Variants in FRMD4A observed in about 807,000 individuals in gnomAD.
FRMD4A encodes the protein FERM domain containing 4A.
FRMD4A carries 29 observed loss-of-function variants against 129.1 expected under a neutral mutation model. The observed-to-expected ratio is 0.22, with a 90% confidence interval of 0.17 to 0.31. FRMD4A has a LOEUF of 0.31. Among genes scored for constraint, FRMD4A ranks in the 10% least tolerant of loss-of-function variants. The pLI is 1.00. For missense variants in FRMD4A, 1,272 were observed against 1,375.8 expected, an observed-to-expected ratio of 0.92 and a Z score of 1.19; for synonymous variants, 634 against 571.6, an observed-to-expected ratio of 1.11 and a Z score of -1.56.
At chr10:13,783,915 T>C (rs2092794838) in intron 5 of FRMD4A, among the ~76,000 whole-genome samples, 1 of 152,226 alleles carries the variant, frequency 6.6e-6, no homozygotes, top group South Asian at 2.1e-4. Flanking sequence ...AAATGTGCCT[T>C]TATAATATTG....
At chr10:14,162,630 GTTTT>G in intron 2 of FRMD4A, among the ~76,000 whole-genome samples, 1 of 117,342 alleles carries the variant, frequency 8.5e-6, no homozygotes, top group Non-Finnish European at 1.7e-5. Context: ...GAGTTTCTCT[GTTTT>G]TTTTTTGTTT....
At chr10:14,081,901 G>A (rs868325983) in intron 2 of FRMD4A, among the ~76,000 whole-genome samples, 9 of 152,334 alleles carry the variant, frequency 5.9e-5, no homozygotes, top group Middle Eastern at 3.4e-3. Flanking sequence ...TTATTAGGTT[G>A]TATTTGTCCT....
rs184594823 is a variant in FRMD4A, at chr10:13,825,004, C to T, written c.112-14096G>A. Among the ~76,000 whole-genome samples the T allele has an allele frequency of 9.6e-4, 146 of 151,994 alleles. 1 individual carries two copies. Among genetic ancestry groups the T allele is most frequent in the African/African-American group, 3.4e-3 (141 of 41,462 alleles). The stretch of plus-strand genomic sequence containing the variant: ...TCACACTTTGCAGTCATTTTTCCCT[C>T]ATTCCTGGGGGACACTTTCCAAGAC... On this transcript the variant is annotated intron_variant, in intron 3 of 24. Coordinates refer to ENST00000357447, the MANE Select transcript of FRMD4A (RefSeq NM_018027.5).
intron 2 of FRMD4A, among the ~76,000 whole-genome samples, chr10:14,163,392 C>T (rs1051682423): frequency 3.3e-5 from 5 of 152,186 alleles, no homozygotes; most frequent in African/African-American, 1.2e-4. Flanking sequence ...TTTACCCAAT[C>T]GCTATCATCC....
At chr10:13,724,876 T>C (rs1307347162) in intron 12 of FRMD4A, among the ~76,000 whole-genome samples, 2 of 152,202 alleles carry the variant, frequency 1.3e-5, no homozygotes, top group Non-Finnish European at 2.9e-5. Flanking sequence ...AGATGAATCC[T>C]GGGAGACACA....
At chr10:13,722,461 G>A (rs1035655840) in intron 12 of FRMD4A, among the ~76,000 whole-genome samples, 9 of 150,820 alleles carry the variant, frequency 6.0e-5, no homozygotes, top group Non-Finnish European at 1.0e-4. Context: ...GTCCAGGATG[G>A]TCTTGAACTC....
chr10:13,890,403 G>T, intron 2 of FRMD4A: 2 of 364,748 alleles, frequency 5.5e-6, no homozygotes, highest in Non-Finnish European at 7.6e-6. Flanking sequence ...CCAGGATGAA[G>T]TCAGCAGTTT....
At chr10:13,944,709 T>C (rs948768883) in intron 2 of FRMD4A, among the ~76,000 whole-genome samples, 1 of 152,196 alleles carries the variant, frequency 6.6e-6, no homozygotes, top group South Asian at 2.1e-4. Flanking sequence ...TTGTAGCTAT[T>C]TCTGCATACT....
At chr10:13,811,776 C>T (rs2093451023) in intron 3 of FRMD4A, among the ~76,000 whole-genome samples, 1 of 151,968 alleles carries the variant, frequency 6.6e-6, no homozygotes, top group Non-Finnish European at 1.5e-5. Context: ...AGAGTTATTT[C>T]TAAACTAGCT....
At chr10:14,274,928 T>C (rs1199313872) in intron 2 of FRMD4A, among the ~76,000 whole-genome samples, 1 of 152,210 alleles carries the variant, frequency 6.6e-6, no homozygotes, top group African/African-American at 2.4e-5. Context: ...CTGAATAAGT[T>C]CTTACTCCTG....
At chr10:13,859,496 T>C (rs2094262883) in intron 2 of FRMD4A, among the ~76,000 whole-genome samples, 1 of 152,238 alleles carries the variant, frequency 6.6e-6, no homozygotes, top group South Asian at 2.1e-4. Context: ...GCTTATATTC[T>C]AATAAGGGAG....
chr10:13,937,044 C>T (rs925497852), intron 2 of FRMD4A, among the ~76,000 whole-genome samples: 5 of 152,288 alleles, frequency 3.3e-5, no homozygotes, highest in Admixed American at 2.6e-4. Context: ...CCAAAGGAGC[C>T]TTGAGTTCTC....
intron 2 of FRMD4A, among the ~76,000 whole-genome samples, chr10:14,062,545 T>C (rs984876453): frequency 6.6e-6 from 1 of 152,230 alleles, no homozygotes; most frequent in Admixed American, 6.5e-5. Context: ...AAATAAGGCG[T>C]TGTAACCAAC....
chr10:13,697,634 G>A (rs988863263), intron 14 of FRMD4A, among the ~76,000 whole-genome samples: 27 of 151,470 alleles, frequency 1.8e-4, no homozygotes, highest in Non-Finnish European at 2.4e-4. Context: ...ACGTGACTCA[G>A]TCTTCTGTCT....
intron 2 of FRMD4A, among the ~76,000 whole-genome samples, chr10:14,127,241 G>T (rs1838894689): frequency 6.6e-6 from 1 of 152,212 alleles, no homozygotes; most frequent in Admixed American, 6.5e-5. Flanking sequence ...GAGGAGGGTG[G>T]CCTGGAGAGG....
rs537326381 is a variant in FRMD4A at position 14,039,345 on chromosome 10, C to T, written c.46-180433G>A. On this transcript the variant is annotated intron_variant, in intron 2 of 24. Transcript: ENST00000357447. Reference sequence around the variant, plus strand: ...ATTGCTAAGTAAGATCTTTTTCTTGCTCACTTTCTGATCTGTCCGTCCGTC... The same window carrying T: ...ATTGCTAAGTAAGATCTTTTTCTTGTTCACTTTCTGATCTGTCCGTCCGTC... Among the ~76,000 whole-genome samples, 147 of 151,352 alleles carry T rather than the reference C, an allele frequency of 9.7e-4. 1 individual carries two copies. Among genetic ancestry groups the T allele is most frequent in the African/African-American group, 3.5e-3 (144 of 41,110 alleles).
chr10:13,759,633 G>C (rs1255557569), intron 8 of FRMD4A, among the ~76,000 whole-genome samples: 1 of 152,068 alleles, frequency 6.6e-6, no homozygotes, highest in Non-Finnish European at 1.5e-5. Flanking sequence ...ATATGGACTG[G>C]CACTTATCAA....
intron 2 of FRMD4A, among the ~76,000 whole-genome samples, chr10:14,060,505 C>A (rs975787452): frequency 1.3e-5 from 2 of 152,204 alleles, no homozygotes; most frequent in Non-Finnish European, 2.9e-5. Context: ...GCCAGCCAGG[C>A]ACTCTTGCTT....
chr10:14,127,252 T>C (rs1010525433), intron 2 of FRMD4A, among the ~76,000 whole-genome samples: 1 of 151,880 alleles, frequency 6.6e-6, no homozygotes, highest in Non-Finnish European at 1.5e-5. Flanking sequence ...CCTGGAGAGG[T>C]TGGAAAACAC....
Sources: allele counts gnomAD v4.1 joint callset (sites outside exome capture counted in the v4.1 genomes callset), GRCh38; gene constraint gnomAD v4.1.1; transcripts MANE v1.5; gene names NCBI Gene and HGNC (gene_info 2026-07-23, HGNC 2026-07-21).